Variants in RUFY1 observed in about 807,000 individuals in gnomAD.
The protein encoded by RUFY1 is RUN and FYVE domain-containing protein 1.
In RUFY1, 54 loss-of-function variants were observed where a neutral mutation model predicts 94.6. The observed-to-expected ratio is 0.57, with a 90% confidence interval of 0.46 to 0.72. RUFY1 has a LOEUF of 0.72. Ranked by LOEUF, RUFY1 falls within the 30% of genes least tolerant of loss-of-function variation. The probability of loss-of-function intolerance (pLI) is 0.00; values close to 1 mark genes in which losing one functional copy is unlikely to be tolerated. For synonymous variants in RUFY1, 396 were observed against 347.3 expected, an observed-to-expected ratio of 1.14 and a Z score of -1.56; for missense variants, 883 against 883.9, an observed-to-expected ratio of 1.00 and a Z score of 0.01.
chr5:179,567,822 C>G (rs760063172), intron 4 of RUFY1, among the ~76,000 whole-genome samples: 2 of 151,596 alleles, frequency 1.3e-5, no homozygotes, highest in Non-Finnish European at 2.9e-5. Context: ...GAGAATCGCT[C>G]GAACCCGCGA....
chr5:179,575,884 C>T (rs1281581224), intron 5 of RUFY1, among the ~76,000 whole-genome samples: 1 of 151,988 alleles, frequency 6.6e-6, no homozygotes, highest in African/African-American at 2.4e-5. Flanking sequence ...TGGGCTCAAG[C>T]AATCCTCTCA....
intron 11 of RUFY1, among the ~76,000 whole-genome samples, chr5:179,594,013 C>T (rs375748256): frequency 7.2e-5 from 11 of 151,872 alleles, no homozygotes; most frequent in East Asian, 1.9e-4. Context: ...GAATTAAAGA[C>T]GTCATTTAGA....
chr5:179,574,717 A>G (rs1185712767), intron 5 of RUFY1, among the ~76,000 whole-genome samples: 1 of 151,778 alleles, frequency 6.6e-6, no homozygotes, highest in African/African-American at 2.4e-5. Flanking sequence ...GAAAAATCTC[A>G]CTGTTCTCAT....
At chr5:179,603,744 GT>G (rs952657253) in intron 15 of RUFY1, 10 of 152,360 alleles carry the variant, frequency 6.6e-5, no homozygotes, top group African/African-American at 2.2e-4. Flanking sequence ...CGAAACTGTG[GT>G]TGGTCTCTGA....
Position 179,562,613 on chromosome 5 carries a change from G to A in RUFY1, c.551G>A (p.Cys184Tyr), listed in dbSNP as rs550279542. ...CCTTTGGAGCTGGTGGAGAAACTTT[G>A]TCCAGAAGCATCAGATATAGCGACT... ...FGPLELVEKL[C>Y]PEASDIATSV... Residue 184 changes from cysteine (C) to tyrosine (Y), a missense_variant, in exon 3 of 18, where the codon TGT becomes TAT. Coordinates refer to ENST00000319449, the MANE Select transcript of RUFY1 (RefSeq NM_025158.5). The A allele has an allele frequency of 1.9e-6, 3 of 1,611,626 alleles. No individual in the cohort carries two copies. In the East Asian group the frequency reaches 6.7e-5, roughly 36 times the overall value.
chr5:179,604,424 G>A (rs1452213855), intron 15 of RUFY1, among the ~76,000 whole-genome samples: 1 of 152,118 alleles, frequency 6.6e-6, no homozygotes, highest in Non-Finnish European at 1.5e-5. Flanking sequence ...TGTTGACCTG[G>A]CTTCCCAAGG....
intron 6 of RUFY1, among the ~76,000 whole-genome samples, chr5:179,577,513 G>A (rs1284238775): frequency 6.6e-6 from 1 of 151,080 alleles, no homozygotes; most frequent in Non-Finnish European, 1.5e-5. Context: ...TTTGGGGCTA[G>A]CGGAGGGCCG....
intron 3 of RUFY1, among the ~76,000 whole-genome samples, chr5:179,563,844 G>T (rs1027987725): frequency 1.3e-5 from 2 of 151,914 alleles, no homozygotes; most frequent in African/African-American, 2.4e-5. Flanking sequence ...GTTAATTTTT[G>T]TATTTTTTGT....
intron 6 of RUFY1, among the ~76,000 whole-genome samples, chr5:179,577,600 G>T (rs1255120839): frequency 7.2e-6 from 1 of 139,384 alleles, no homozygotes; most frequent in Non-Finnish European, 1.5e-5. Context: ...GGAGGGCGGG[G>T]GTGGGGAGTT....
At chr5:179,586,184 T>G in intron 8 of RUFY1, 1 of 439,094 alleles carries the variant, frequency 2.3e-6, no homozygotes, top group Non-Finnish European at 4.3e-6. Context: ...TTTCTGCCCT[T>G]CCCATGATGC....
intron 7 of RUFY1, among the ~76,000 whole-genome samples, chr5:179,584,889 A>G (rs1483797252): frequency 6.6e-6 from 1 of 152,246 alleles, no homozygotes; most frequent in African/African-American, 2.4e-5. Context: ...TGATCCCAGC[A>G]CTTTGGGAGG....
chr5:179,586,174 T>C (rs573479950), intron 8 of RUFY1, among the ~76,000 whole-genome samples: 2 of 152,252 alleles, frequency 1.3e-5, no homozygotes, highest in East Asian at 1.9e-4. Flanking sequence ...TCTTCCTCTT[T>C]TTCTGCCCTT....
intron 13 of RUFY1, among the ~76,000 whole-genome samples, chr5:179,597,708 A>G (rs534413863): frequency 6.4e-4 from 97 of 151,294 alleles, no homozygotes; most frequent in African/African-American, 2.1e-3. Flanking sequence ...GCCAAGTTAA[A>G]AGCCTGATGT....
At chr5:179,575,456 A>C (rs2127532115) in intron 5 of RUFY1, among the ~76,000 whole-genome samples, 1 of 152,342 alleles carries the variant, frequency 6.6e-6, no homozygotes, top group Non-Finnish European at 1.5e-5. Flanking sequence ...CAGGGAAGTC[A>C]AGACTTTTTA....
At chr5:179,571,305 G>C (rs183370902) in intron 5 of RUFY1, among the ~76,000 whole-genome samples, 1 of 152,002 alleles carries the variant, frequency 6.6e-6, no homozygotes, top group Non-Finnish European at 1.5e-5. Context: ...AGACCAGCCC[G>C]GGCAAAATAG....
At chr5:179,556,953 C>T (rs1226688466) in intron 1 of RUFY1, among the ~76,000 whole-genome samples, 1 of 152,152 alleles carries the variant, frequency 6.6e-6, no homozygotes, top group Non-Finnish European at 1.5e-5. Context: ...TAATGTTGGT[C>T]ATCTTTGAAC....
chr5:179,572,974 T>G (rs1763332963), intron 5 of RUFY1, among the ~76,000 whole-genome samples: 2 of 152,250 alleles, frequency 1.3e-5, no homozygotes, highest in Admixed American at 6.5e-5. Context: ...AAATTTCTTT[T>G]ACAAATAGTT....
chr5:179,556,033 T>C (rs1211084469), intron 1 of RUFY1, among the ~76,000 whole-genome samples: 1 of 152,084 alleles, frequency 6.6e-6, no homozygotes, highest in African/African-American at 2.4e-5. Context: ...TATAAGATTA[T>C]TCATCATATT....
chr5:179,608,417 C>A, intron 17 of RUFY1: 6 of 985,518 alleles, frequency 6.1e-6, no homozygotes, highest in Non-Finnish European at 7.2e-6. Context: ...CATGTGTCTA[C>A]AAGGCCTGGC....
Sources: gnomAD v4.1 joint callset for allele counts (sites outside exome capture counted in the v4.1 genomes callset) on GRCh38, gnomAD v4.1.1 for gene constraint, MANE v1.5 for transcripts, NCBI Gene and HGNC (gene_info 2026-07-23, HGNC 2026-07-21) for gene names.